The following EPSTI1 variants were observed in gnomAD, a reference collection of about 807,000 sequenced individuals.
EPSTI1 encodes epithelial-stromal interaction protein 1.
EPSTI1 carries 66 observed loss-of-function variants against 49.9 expected under a neutral mutation model. That is an observed-to-expected ratio of 1.32 (90% CI 1.08 to 1.62). The LOEUF (loss-of-function observed/expected upper bound fraction) is 1.62, where lower values mean the gene tolerates loss of function less well. Among genes scored for constraint, EPSTI1 ranks in the 40% most tolerant of loss-of-function variants. The pLI is 0.00. For synonymous variants in EPSTI1, 137 were observed against 130.7 expected (o/e 1.05, Z -0.33); for missense variants, 394 against 365.5 (o/e 1.08, Z -0.64).
Position 42,992,001 on chromosome 13 carries a change from G to T in EPSTI1, c.165C>A (p.Ser55Arg). 1.2e-6 allele frequency: 2 copies of T among 1,613,294 alleles called. No homozygotes were observed. Among genetic ancestry groups the T allele is most frequent in the Non-Finnish European group, 1.7e-6 (2 of 1,179,982 alleles). Reference sequence around the variant, plus strand: ...ACCGCCTCTGGCCCGCGTGCACGACGCTCTCCCGCGAAGGGCCCTTAGGGG... The same window carrying T: ...ACCGCCTCTGGCCCGCGTGCACGACTCTCTCCCGCGAAGGGCCCTTAGGGG... ...EAAPKGPSRE[S>R]VVHAGQRRTS... Residue 55 changes from serine to arginine, a missense_variant, in exon 1 of 11, where the codon AGC (serine) becomes AGA (arginine). Transcript: ENST00000313624.
At chr13:42,908,662 A>G (rs1265697184) in intron 8 of EPSTI1, among the ~76,000 whole-genome samples, 1 of 152,140 alleles carries the variant, frequency 6.6e-6, no homozygotes, top group Non-Finnish European at 1.5e-5. Flanking sequence ...TCAGCAGACT[A>G]AAGAGACAAT....
At chr13:42,926,890 T>C (rs779584870) in intron 6 of EPSTI1, among the ~76,000 whole-genome samples, 9 of 152,084 alleles carry the variant, frequency 5.9e-5, no homozygotes, top group Non-Finnish European at 8.8e-5. Flanking sequence ...CTTTGACCAC[T>C]GTTAGGACAC....
intron 7 of EPSTI1, chr13:42,919,220 A>G (rs2037925052): frequency 7.5e-7 from 1 of 1,336,388 alleles, no homozygotes; most frequent in South Asian, 1.2e-5. Flanking sequence ...TGCCTTATAA[A>G]GGTCCACAGA....
At chr13:42,983,032 T>TA (rs2040013371) in intron 1 of EPSTI1, among the ~76,000 whole-genome samples, 1 of 152,226 alleles carries the variant, frequency 6.6e-6, no homozygotes, top group Admixed American at 6.5e-5. Flanking sequence ...GACACAGTTT[T>TA]CCCTGGTTCT....
At chr13:42,944,025 G>T (rs1220204241) in intron 6 of EPSTI1, among the ~76,000 whole-genome samples, 1 of 152,194 alleles carries the variant, frequency 6.6e-6, no homozygotes, top group Non-Finnish European at 1.5e-5. Flanking sequence ...AAAAACAGTT[G>T]CTGGAGAGGA....
intron 1 of EPSTI1, among the ~76,000 whole-genome samples, chr13:42,982,123 T>G (rs1416954912): frequency 6.6e-6 from 1 of 152,066 alleles, no homozygotes; most frequent in African/African-American, 2.4e-5. Flanking sequence ...AGTCACAGGA[T>G]GAGATAGGAG....
At chr13:42,963,460 T>C in intron 4 of EPSTI1, 122 bp from the exon 5 acceptor site, 1 of 706,968 alleles carries the variant, frequency 1.4e-6, no homozygotes, top group Non-Finnish European at 2.3e-6. Context: ...TCACCATGAT[T>C]ATAGGTTGTT....
intron 6 of EPSTI1, among the ~76,000 whole-genome samples, chr13:42,944,251 A>G (rs185473353): frequency 7.7e-4 from 117 of 152,330 alleles, no homozygotes; most frequent in Admixed American, 2.0e-3. Flanking sequence ...TCACAATAGC[A>G]AAGACTTGGA....
At chr13:42,950,800 T>A (rs2039071596) in intron 6 of EPSTI1, among the ~76,000 whole-genome samples, 1 of 152,142 alleles carries the variant, frequency 6.6e-6, no homozygotes, top group Admixed American at 6.5e-5. Flanking sequence ...TTCAGGAGAA[T>A]CTAATTTGGG....
chr13:42,930,230 G>A (rs1239909969), intron 6 of EPSTI1, among the ~76,000 whole-genome samples: 1 of 152,202 alleles, frequency 6.6e-6, no homozygotes, highest in Non-Finnish European at 1.5e-5. Flanking sequence ...CATTCTACAT[G>A]TATTTTGCAA....
At chr13:42,987,005 A>T (rs1463104802) in intron 1 of EPSTI1, among the ~76,000 whole-genome samples, 1 of 152,130 alleles carries the variant, frequency 6.6e-6, no homozygotes, top group African/African-American at 2.4e-5. Context: ...TGCCTTACGC[A>T]TCTCTTCCAC....
intron 6 of EPSTI1, among the ~76,000 whole-genome samples, chr13:42,944,980 A>G (rs1305896531): frequency 6.6e-6 from 1 of 152,168 alleles, no homozygotes; most frequent in Non-Finnish European, 1.5e-5. Context: ...AAGACACCTC[A>G]TCATAGACCT....
At chr13:42,913,949 C>G (rs2037757478) in intron 8 of EPSTI1, among the ~76,000 whole-genome samples, 1 of 152,124 alleles carries the variant, frequency 6.6e-6, no homozygotes, top group South Asian at 2.1e-4. Flanking sequence ...TATAGCACAT[C>G]CCCCTTTGCT....
intron 6 of EPSTI1, among the ~76,000 whole-genome samples, chr13:42,953,567 G>A (rs2039167795): frequency 1.3e-5 from 2 of 152,158 alleles, no homozygotes. Context: ...CAAGTGTATA[G>A]TGGTCCTCAG....
intron 6 of EPSTI1, among the ~76,000 whole-genome samples, chr13:42,943,124 T>A (rs983870495): frequency 6.6e-6 from 1 of 152,250 alleles, no homozygotes; most frequent in Non-Finnish European, 1.5e-5. Flanking sequence ...TTCATTTTCA[T>A]GTAATTTTTA....
rs1167871576 is a variant in EPSTI1, at chr13:42,888,220, C to A, written c.*274G>T. The A allele has an allele frequency of 6.2e-7, 1 of 1,609,588 alleles. No individual in the cohort carries two copies. The highest frequency in any genetic ancestry group is 8.5e-7 in the Non-Finnish European group (1 of 1,177,122). On this transcript the variant is annotated 3_prime_UTR_variant, in exon 11 of 11. Coordinates refer to ENST00000313624, the MANE Select transcript of EPSTI1 (RefSeq NM_033255.5). ...TCAAGTGACTCCCTCTTTTTCTACC[C>A]TACCAACATCACTCTAATTATACTT...
rs1333296636 is a variant in EPSTI1, at chr13:42,922,739, G to A, written c.657+3597C>T. Among the ~76,000 whole-genome samples the A allele has an allele frequency of 6.6e-6, 1 of 152,170 alleles. No homozygotes were observed. Among genetic ancestry groups the A allele is most frequent in the African/African-American group, 2.4e-5 (1 of 41,442 alleles). On this transcript the variant is annotated intron_variant, in intron 7 of 10. Coordinates refer to ENST00000313624, the MANE Select transcript of EPSTI1 (RefSeq NM_033255.5). This position sits in a 1 kb window ranked among gnomAD's most constrained non-coding sequence, Gnocchi z 4.8. ...TACTTTATTTGACTTCTTAATGAAT[G>A]AGCATGTGACACGTAGATAAAAATT...
intron 1 of EPSTI1, among the ~76,000 whole-genome samples, chr13:42,987,143 G>A (rs1322972550): frequency 6.6e-6 from 1 of 152,160 alleles, no homozygotes; most frequent in African/African-American, 2.4e-5. Context: ...CCCCAACTTT[G>A]TAGTCTGGTG....
At chr13:42,964,460 T>G (rs2153431524) in intron 3 of EPSTI1, among the ~76,000 whole-genome samples, 1 of 152,304 alleles carries the variant, frequency 6.6e-6, no homozygotes, top group South Asian at 2.1e-4. Flanking sequence ...GAAGAAATAG[T>G]GCCTGTCTTG....
Sources: allele counts gnomAD v4.1 joint callset (sites outside exome capture counted in the v4.1 genomes callset), GRCh38; gene constraint gnomAD v4.1.1; non-coding constraint Gnocchi (gnomAD v3.1); transcripts MANE v1.5; gene names NCBI Gene and HGNC (gene_info 2026-07-23, HGNC 2026-07-21).